Variants in SLC22A25 observed in about 807,000 individuals in gnomAD.
SLC22A25 encodes the protein solute carrier family 22 member 25, also known as MGI:2442751, MGI:2385316, MGI:3042283, MGI:3645714, MGI:3605624, MGI:2442750.
In SLC22A25, 44 loss-of-function variants were observed where a neutral mutation model predicts 45.9. The observed-to-expected ratio is 0.96, with a 90% CI of 0.75 to 1.23. The LOEUF is 1.23. Ranked by LOEUF, SLC22A25 falls within the 50% of genes most tolerant of loss-of-function variation. SLC22A25 has a pLI of 0.00. For missense variants in SLC22A25, 800 were observed against 666.4 expected (o/e 1.20, Z -2.21); for synonymous variants, 283 against 238.6 (o/e 1.19, Z -1.72).
At chr11:63,167,592 A>T (rs2087729111) in intron 9 of SLC22A25, 1 of 152,534 alleles carries the variant, frequency 6.6e-6, no homozygotes, top group Admixed American at 6.5e-5. Flanking sequence ...CTGCAAAGCA[A>T]CTGTGGCCAG....
At chr11:63,196,481 A>G (rs2089036107) in intron 7 of SLC22A25, among the ~76,000 whole-genome samples, 2 of 152,242 alleles carry the variant, frequency 1.3e-5, no homozygotes, top group Non-Finnish European at 2.9e-5. Context: ...AATCCAGCAT[A>G]TAAACAGAAC....
chr11:63,162,343 G>A lies in SLC22A25; in HGVS notation c.*1481C>T, dbSNP rs2087548023. On this transcript the variant is annotated 3_prime_UTR_variant, in exon 12 of 12. Coordinates refer to ENST00000306494, the MANE Select transcript of SLC22A25 (RefSeq NM_199352.6). ...GTATTACTCAAGAAATCTTTGGCCA[G>A]TCTAATGTACTGGAAAATTTCTCCA... 6.6e-6 allele frequency among the ~76,000 whole-genome samples: 1 copy of A among 152,140 alleles called. No homozygotes were observed. The highest frequency in any genetic ancestry group is 6.6e-5 in the Admixed American group (1 of 15,264).
chr11:63,235,533 G>C (rs1375336274), intron 3 of SLC22A25, among the ~76,000 whole-genome samples: 1 of 152,062 alleles, frequency 6.6e-6, no homozygotes, highest in Non-Finnish European at 1.5e-5. Context: ...GGTTATTCTA[G>C]TTATCCATTC....
chr11:63,239,961 G>A (rs142193962), intron 1 of SLC22A25, among the ~76,000 whole-genome samples: 1 of 152,146 alleles, frequency 6.6e-6, no homozygotes, highest in Admixed American at 6.5e-5. Context: ...ACAGGAATAT[G>A]CTCTGAGAAA....
Position 63,161,804 on chromosome 11 carries a change from C to A in SLC22A25, c.*2020G>T, listed in dbSNP as rs2087536228. On this transcript the variant is annotated 3_prime_UTR_variant, in exon 12 of 12. Transcript: ENST00000306494. Reference sequence around the variant, plus strand: ...CAATGATGCAGTGGAATTGCTGGGTCAAATGTTAGCTCTATTTTTAATTTT... The same window carrying A: ...CAATGATGCAGTGGAATTGCTGGGTAAAATGTTAGCTCTATTTTTAATTTT... Among the ~76,000 whole-genome samples, 1 of 152,166 alleles carries A rather than the reference C, an allele frequency of 6.6e-6. No homozygotes were observed. Among genetic ancestry groups the A allele is most frequent in the Non-Finnish European group, 1.5e-5 (1 of 68,028 alleles).
rs2087521828 is a variant in SLC22A25, at chr11:63,160,213, C to G, written c.*3611G>C. Among the ~76,000 whole-genome samples, 1 of 152,214 alleles carries G rather than the reference C, an allele frequency of 6.6e-6. No individual in the cohort carries two copies. The highest frequency in any genetic ancestry group is 2.4e-5 in the African/African-American group (1 of 41,448). On this transcript the variant is annotated 3_prime_UTR_variant, in exon 12 of 12. Coordinates refer to ENST00000306494, the MANE Select transcript of SLC22A25 (RefSeq NM_199352.6). ...TGGGGAAAATGTCTCCAGGGCATGT[C>G]AGAGACCTTTGTGACAGCCCTTCCT...
At chr11:63,211,918 T>A (rs930719765) in intron 7 of SLC22A25, among the ~76,000 whole-genome samples, 7 of 152,108 alleles carry the variant, frequency 4.6e-5, no homozygotes, top group Non-Finnish European at 8.8e-5. Context: ...AATCTACTCA[T>A]CTGACAAAGG....
chr11:63,205,542 T>C (rs1397592588), intron 7 of SLC22A25, among the ~76,000 whole-genome samples: 1 of 152,130 alleles, frequency 6.6e-6, no homozygotes, highest in Non-Finnish European at 1.5e-5. Flanking sequence ...GCAAATGAAG[T>C]AGAAAATCTA....
At chr11:63,236,079 A>G (rs891284453) in intron 3 of SLC22A25, among the ~76,000 whole-genome samples, 6 of 152,070 alleles carry the variant, frequency 3.9e-5, no homozygotes, top group African/African-American at 9.7e-5. Flanking sequence ...CAGTTAGGCT[A>G]CTTGGTGTTC....
In SLC22A25 at chr11:63,217,605, T is replaced by C. The variant is rs990435269; in HGVS notation, c.637A>G (p.Ile213Val). 6.2e-7 allele frequency: 1 copy of C among 1,613,554 alleles called. No homozygotes were observed. Among genetic ancestry groups the C allele is most frequent in the Non-Finnish European group, 8.5e-7 (1 of 1,179,906 alleles). Residue 213 changes from isoleucine to valine, a missense_variant, in exon 6 of 12, where the codon ATC (isoleucine) becomes GTC (valine). Transcript: ENST00000306494. Reference protein sequence around the residue: ...RFLAGAATFSIIVNTVLLIVE... With the variant: ...RFLAGAATFSVIVNTVLLIVE... ...CTTAACAAAACAGTATTTACAATGA[T>C]GCTAAATGTAGCAGCCCCAGCCAAG...
At chr11:63,186,166 T>G in intron 7 of SLC22A25, among the ~76,000 whole-genome samples, 7 of 116,786 alleles carry the variant, frequency 6.0e-5, no homozygotes, top group Non-Finnish European at 1.1e-4. Context: ...ACCGACAGTG[T>G]AAAAGTGTTC....
At chr11:63,170,931 C>T (rs1478393981) in intron 9 of SLC22A25, among the ~76,000 whole-genome samples, 1 of 152,142 alleles carries the variant, frequency 6.6e-6, no homozygotes, top group African/African-American at 2.4e-5. Context: ...TACTGGCAAA[C>T]TGAATCCAGC....
At chr11:63,201,063 A>G (rs952907885) in intron 7 of SLC22A25, among the ~76,000 whole-genome samples, 2 of 152,254 alleles carry the variant, frequency 1.3e-5, no homozygotes, top group East Asian at 1.9e-4. Context: ...ATATTGTTAA[A>G]GTGGCCATAC....
rs1055287747 is a variant in SLC22A25 at position 63,159,786 on chromosome 11, C to G, written c.*4038G>C. Among the ~76,000 whole-genome samples the G allele has an allele frequency of 2.0e-5, 3 of 152,158 alleles. No individual in the cohort carries two copies. Among genetic ancestry groups the G allele is most frequent in the Admixed American group, 6.5e-5 (1 of 15,284 alleles). On this transcript the variant is annotated 3_prime_UTR_variant, in exon 12 of 12. Transcript: ENST00000306494. ...CTAGAGACTTGTTGAATGGCTTTGA[C>G]TGAAATGCTGATAATGATATGGAAA...
intron 9 of SLC22A25, among the ~76,000 whole-genome samples, chr11:63,173,836 A>G (rs1376010439): frequency 6.6e-6 from 1 of 151,292 alleles, no homozygotes; most frequent in Non-Finnish European, 1.5e-5. Flanking sequence ...TGTTCAGTGC[A>G]TTGAATTTAT....
chr11:63,229,236 A>G lies in SLC22A25; in HGVS notation c.402+15T>C. The G allele has an allele frequency of 6.6e-7, 1 of 1,503,986 alleles. No individual in the cohort carries two copies. Among genetic ancestry groups the G allele is most frequent in the Non-Finnish European group, 8.9e-7 (1 of 1,124,776 alleles). 93.2% of individuals were successfully genotyped at this position (1,503,986 alleles called of 1,614,324 possible). ...CCAGGTCATGTACACAAGAGAGGAA[A>G]ATGAGGCCTCTTACCTTAGTCACAA... is the stretch of plus-strand genomic sequence containing the variant. On this transcript the variant is annotated intron_variant, in intron 4 of 11. Coordinates refer to ENST00000306494, the MANE Select transcript of SLC22A25 (RefSeq NM_199352.6).
At chr11:63,198,988 C>G (rs1424547089) in intron 7 of SLC22A25, among the ~76,000 whole-genome samples, 1 of 151,940 alleles carries the variant, frequency 6.6e-6, no homozygotes, top group African/African-American at 2.4e-5. Context: ...GACATCACAA[C>G]TGAAAGAACT....
At chr11:63,196,566 T>C (rs554277540) in intron 7 of SLC22A25, among the ~76,000 whole-genome samples, 1 of 152,314 alleles carries the variant, frequency 6.6e-6, no homozygotes, top group Non-Finnish European at 1.5e-5. Flanking sequence ...CCCTTCATGC[T>C]GAAAACTCTC....
rs957768301 is a variant in SLC22A25, at chr11:63,159,643, C to T, written c.*4181G>A. ...AATGGACTAATATAGTAAATTGGTA[C>T]TGATAGAGTGAAGTGCTTCTGTAAA... On this transcript the variant is annotated 3_prime_UTR_variant, in exon 12 of 12. Coordinates refer to ENST00000306494, the MANE Select transcript of SLC22A25 (RefSeq NM_199352.6). Among the ~76,000 whole-genome samples, 3 of 152,106 alleles carry T rather than the reference C, an allele frequency of 2.0e-5. No individual in the cohort carries two copies. The highest frequency in any genetic ancestry group is 4.4e-5 in the Non-Finnish European group (3 of 68,030).
Sources: gnomAD v4.1 joint callset for allele counts (sites outside exome capture counted in the v4.1 genomes callset) on GRCh38, gnomAD v4.1.1 for gene constraint, MANE v1.5 for transcripts, NCBI Gene and HGNC (gene_info 2026-07-23, HGNC 2026-07-21) for gene names.